The following CSMD1 variants were observed in gnomAD, a reference collection of about 807,000 sequenced individuals.
CSMD1 encodes the protein CUB and sushi domain-containing protein 1.
Under a neutral mutation model 417.5 loss-of-function variants are expected in CSMD1, and 213 were observed. The observed-to-expected ratio is 0.51, with a 90% CI of 0.46 to 0.57. The LOEUF is 0.57. Among genes scored for constraint, CSMD1 ranks in the 20% least tolerant of loss-of-function variants. CSMD1 has a pLI of 0.00. For missense variants in CSMD1, 6,923 were observed against 4,529.7 expected (o/e 1.53, Z -15.17); for synonymous variants, 2,862 against 1,736.8 (o/e 1.65, Z -16.11).
At chr8:4,641,813 T>C (rs1803212434) in intron 1 of CSMD1, among the ~76,000 whole-genome samples, 1 of 152,180 alleles carries the variant, frequency 6.6e-6, no homozygotes, top group East Asian at 1.9e-4. Context: ...GGACTCTAAA[T>C]TCTGTCGTTC....
intron 3 of CSMD1, among the ~76,000 whole-genome samples, chr8:4,378,321 G>A (rs1333198455): frequency 3.3e-5 from 5 of 152,188 alleles, no homozygotes; most frequent in African/African-American, 1.2e-4. Flanking sequence ...ATAAATTGCT[G>A]TTTTTGAACT....
At chr8:3,361,002 T>C (rs1322799023) in intron 20 of CSMD1, among the ~76,000 whole-genome samples, 2 of 152,186 alleles carry the variant, frequency 1.3e-5, no homozygotes, top group Non-Finnish European at 2.9e-5. Flanking sequence ...CTGAGGTGGA[T>C]ACTTTCTGAA....
At chr8:4,136,052 G>T (rs185437222) in intron 3 of CSMD1, among the ~76,000 whole-genome samples, 4 of 152,170 alleles carry the variant, frequency 2.6e-5, no homozygotes, top group South Asian at 2.1e-4. Flanking sequence ...AATTTTAAAT[G>T]GCACTTGGCA....
intron 23 of CSMD1, among the ~76,000 whole-genome samples, chr8:3,311,284 C>G (rs1305589657): frequency 6.6e-6 from 1 of 152,014 alleles, no homozygotes; most frequent in African/African-American, 2.4e-5. Context: ...TGCAGTCTGT[C>G]TGTTGCCCAG....
intron 2 of CSMD1, among the ~76,000 whole-genome samples, chr8:4,633,748 C>G (rs542223027): frequency 6.6e-6 from 1 of 151,668 alleles, no homozygotes; most frequent in Admixed American, 6.6e-5. Context: ...TTAGTGGAGA[C>G]GGGGTTTCAT....
intron 3 of CSMD1, among the ~76,000 whole-genome samples, chr8:4,228,787 G>T (rs903163395): frequency 6.6e-6 from 1 of 151,964 alleles, no homozygotes; most frequent in Non-Finnish European, 1.5e-5. Flanking sequence ...GGGTTCAAAA[G>T]ATTCTCCTGC....
intron 50 of CSMD1, among the ~76,000 whole-genome samples, chr8:3,033,934 T>A (rs1810503630): frequency 6.6e-6 from 1 of 152,140 alleles, no homozygotes; most frequent in Non-Finnish European, 1.5e-5. Flanking sequence ...GAGTCTCAGC[T>A]CATCACAGCA....
intron 1 of CSMD1, among the ~76,000 whole-genome samples, chr8:4,816,342 A>T: frequency 6.6e-6 from 1 of 151,570 alleles, no homozygotes; most frequent in South Asian, 2.1e-4. Context: ...GCATCACCAC[A>T]CCTGGGTAAT....
At chr8:3,171,327 C>A (rs1235892673) in intron 37 of CSMD1, among the ~76,000 whole-genome samples, 1 of 152,188 alleles carries the variant, frequency 6.6e-6, no homozygotes, top group Non-Finnish European at 1.5e-5. Flanking sequence ...AGTGGGGGGA[C>A]TCCAAGCAGC....
At chr8:4,356,823 G>A (rs763160652) in intron 3 of CSMD1, among the ~76,000 whole-genome samples, 50 of 152,250 alleles carry the variant, frequency 3.3e-4, no homozygotes, top group African/African-American at 9.4e-4. Context: ...TGACAATGGC[G>A]CACATTCCTA....
intron 1 of CSMD1, among the ~76,000 whole-genome samples, chr8:4,876,201 T>C (rs571188802): frequency 6.6e-4 from 100 of 152,208 alleles, no homozygotes; most frequent in African/African-American, 2.4e-3. Flanking sequence ...CCTAAATATG[T>C]AGGCCACTTT....
intron 6 of CSMD1, among the ~76,000 whole-genome samples, chr8:3,718,623 A>C (rs1056807164): frequency 1.1e-4 from 17 of 152,212 alleles, no homozygotes; most frequent in Non-Finnish European, 2.4e-4. Flanking sequence ...GTATTACATG[A>C]ATCATTGTGT....
chr8:3,857,695 T>A (rs1327080859), intron 5 of CSMD1, among the ~76,000 whole-genome samples: 1 of 152,188 alleles, frequency 6.6e-6, no homozygotes, highest in African/African-American at 2.4e-5. Flanking sequence ...TTCTTCATAA[T>A]CTTCAAATAC....
intron 3 of CSMD1, among the ~76,000 whole-genome samples, chr8:4,125,569 A>C (rs1006087586): frequency 6.6e-6 from 1 of 152,228 alleles, no homozygotes; most frequent in African/African-American, 2.4e-5. Flanking sequence ...AACATTCTAA[A>C]TTAACTGAGA....
intron 3 of CSMD1, among the ~76,000 whole-genome samples, chr8:4,196,429 G>C (rs552460585): frequency 7.2e-5 from 11 of 152,236 alleles, no homozygotes; most frequent in Non-Finnish European, 1.6e-4. Flanking sequence ...TCAGGCTACA[G>C]TCCTTTCTGA....
intron 3 of CSMD1, among the ~76,000 whole-genome samples, chr8:4,156,598 C>A (rs181402931): frequency 2.6e-4 from 40 of 152,088 alleles, no homozygotes; most frequent in African/African-American, 9.2e-4. Context: ...CAGTTAGTGA[C>A]AATATTAAAA....
At chr8:4,625,444 G>C (rs1802040448) in intron 2 of CSMD1, among the ~76,000 whole-genome samples, 1 of 151,928 alleles carries the variant, frequency 6.6e-6, no homozygotes, top group Non-Finnish European at 1.5e-5. Flanking sequence ...ATTTTAATGA[G>C]TCTACATTTA....
Position 3,409,563 on chromosome 8 carries a change from T to C in CSMD1, c.1604A>G (p.Tyr535Cys). 1.2e-6 allele frequency: 2 copies of C among 1,609,498 alleles called. No homozygotes were observed. Among genetic ancestry groups the C allele is most frequent in the Non-Finnish European group, 1.7e-6 (2 of 1,177,728 alleles). Residue 535 changes from tyrosine to cysteine, a missense_variant, in exon 13 of 70, where the codon TAT becomes TGT. Coordinates refer to ENST00000635120, the MANE Select transcript of CSMD1 (RefSeq NM_033225.6). Reference sequence around the variant, plus strand: ...GAAACTGCTGCCCGTCCGCTTCCCATAGGCGGGGATTCCAGGATCCCCACA... The same window carrying C: ...GAAACTGCTGCCCGTCCGCTTCCCACAGGCGGGGATTCCAGGATCCCCACA... ...GGCGDPGIPA[Y>C]GKRTGSSFLH...
intron 49 of CSMD1, among the ~76,000 whole-genome samples, chr8:3,082,306 T>C (rs1814161059): frequency 6.6e-6 from 1 of 152,184 alleles, no homozygotes; most frequent in Admixed American, 6.5e-5. Flanking sequence ...CGGAGTCTCG[T>C]CAAGCAAGGA....
Sources: allele counts gnomAD v4.1 joint callset (sites outside exome capture counted in the v4.1 genomes callset), GRCh38; gene constraint gnomAD v4.1.1; transcripts MANE v1.5; gene names NCBI Gene and HGNC (gene_info 2026-07-23, HGNC 2026-07-21).